Variants in CCDC102B observed in about 807,000 individuals in gnomAD.
CCDC102B encodes the protein coiled-coil domain-containing protein 102B.
A neutral mutation model predicts 57.4 loss-of-function variants in CCDC102B; 75 were observed. The ratio of observed to expected loss-of-function variants is 1.31; its 90% CI spans 1.08 to 1.58. The LOEUF is 1.58. Ranked by LOEUF, CCDC102B falls within the 40% of genes most tolerant of loss-of-function variation. The probability of loss-of-function intolerance (pLI) is 0.00; values close to 1 mark genes in which losing one functional copy is unlikely to be tolerated. For synonymous variants in CCDC102B, 206 were observed against 201.9 expected (o/e 1.02, Z -0.17); for missense variants, 636 against 582.6 (o/e 1.09, Z -0.94).
At chr18:68,990,683 T>C (rs564611402) in intron 6 of CCDC102B, among the ~76,000 whole-genome samples, 1 of 152,328 alleles carries the variant, frequency 6.6e-6, no homozygotes, top group East Asian at 1.9e-4. Context: ...TAAAGCTTTA[T>C]AATTTTCCGC....
chr18:68,799,626 G>T (rs1346307018), intron 1 of CCDC102B, among the ~76,000 whole-genome samples: 1 of 152,144 alleles, frequency 6.6e-6, no homozygotes, highest in Non-Finnish European at 1.5e-5. Flanking sequence ...AGGTATGTGA[G>T]TCCTAAAGAG....
At chr18:68,874,176 G>GTGTGTGTA (rs2039344826) in intron 4 of CCDC102B, among the ~76,000 whole-genome samples, 1 of 12,672 alleles carries the variant, frequency 7.9e-5, no homozygotes, top group Admixed American at 1.1e-3. Context: ...GTGTATGTGT[G>GTGTGTGTA]TGTGTGTGTG....
In CCDC102B at chr18:68,838,957, A is replaced by C. The variant is rs766698906; in HGVS notation, c.827+31A>C. Reference sequence around the variant, plus strand: ...TGCTAATCATTGTCTCCCTTAACCAAGTCTAAGTTTCAAATCACTTAAAAT... The same window carrying C: ...TGCTAATCATTGTCTCCCTTAACCACGTCTAAGTTTCAAATCACTTAAAAT... On this transcript the variant is annotated intron_variant, in intron 3 of 7. Transcript: ENST00000360242. The C allele has an allele frequency of 3.2e-6, 5 of 1,556,300 alleles. No individual in the cohort carries two copies. The South Asian group carries it at 3.4e-5, about 10-fold the overall frequency.
intron 6 of CCDC102B, among the ~76,000 whole-genome samples, chr18:68,940,766 A>G (rs1171587233): frequency 6.6e-6 from 1 of 151,956 alleles, no homozygotes; most frequent in Non-Finnish European, 1.5e-5. Context: ...TTTAAAAACT[A>G]GAGGTCTAGA....
At chr18:68,853,314 G>A (rs957684833) in intron 4 of CCDC102B, among the ~76,000 whole-genome samples, 11 of 150,690 alleles carry the variant, frequency 7.3e-5, no homozygotes, top group Non-Finnish European at 1.5e-5. Flanking sequence ...TTCAAAGAGT[G>A]AATATTCCAA....
chr18:69,055,371 G>A (rs2052799350), downstream of CCDC102B, among the ~76,000 whole-genome samples: 1 of 151,932 alleles, frequency 6.6e-6, no homozygotes, highest in Non-Finnish European at 1.5e-5. Context: ...CTTGTCGCTG[G>A]GTACTCTTGC....
At chr18:68,933,099 A>ACG (rs1568338239) in intron 6 of CCDC102B, among the ~76,000 whole-genome samples, 2 of 150,188 alleles carry the variant, frequency 1.3e-5, no homozygotes, top group Non-Finnish European at 3.0e-5. Flanking sequence ...ACTCCTCATA[A>ACG]AAAAAAAAAT....
At chr18:68,883,845 T>C (rs1415923039) in intron 5 of CCDC102B, among the ~76,000 whole-genome samples, 1 of 152,222 alleles carries the variant, frequency 6.6e-6, no homozygotes, top group Non-Finnish European at 1.5e-5. Context: ...TATCTTTACT[T>C]AAGTCCCTTG....
chr18:68,962,997 ATATT>A (rs1177368857), intron 6 of CCDC102B, among the ~76,000 whole-genome samples: 34 of 152,094 alleles, frequency 2.2e-4, no homozygotes, highest in Non-Finnish European at 4.3e-4. Context: ...ATGTGTCCAT[ATATT>A]TATTTATTAC....
intron 2 of CCDC102B, among the ~76,000 whole-genome samples, chr18:68,733,508 T>TA (rs1568222920): frequency 0.12 from 10,386 of 90,180 alleles, 631 homozygotes; most frequent in South Asian, 0.16. Context: ...ATATATATAT[T>TA]TTTTTAACTT....
chr18:68,849,406 T>C (rs1466044565), intron 4 of CCDC102B, among the ~76,000 whole-genome samples: 1 of 152,078 alleles, frequency 6.6e-6, no homozygotes, highest in African/African-American at 2.4e-5. Context: ...GAAGTGACTA[T>C]AAATATTAAT....
intron 1 of CCDC102B, among the ~76,000 whole-genome samples, chr18:68,829,277 G>A (rs955832837): frequency 5.9e-5 from 9 of 151,876 alleles, no homozygotes; most frequent in African/African-American, 1.7e-4. Context: ...TTTTGCTTTA[G>A]TAAGAACTGG....
intron 2 of CCDC102B, among the ~76,000 whole-genome samples, chr18:68,730,180 T>A (rs2032793509): frequency 6.6e-6 from 1 of 152,180 alleles, no homozygotes; most frequent in African/African-American, 2.4e-5. Flanking sequence ...AAATGTGATA[T>A]TTTATCTAAA....
chr18:68,959,602 C>G (rs2049994799), intron 6 of CCDC102B, among the ~76,000 whole-genome samples: 1 of 152,034 alleles, frequency 6.6e-6, no homozygotes, highest in Admixed American at 6.6e-5. Context: ...AGCGAGTTCC[C>G]CTGTGCCTCA....
At chr18:68,950,117 T>A (rs2049653734) in intron 6 of CCDC102B, among the ~76,000 whole-genome samples, 1 of 152,120 alleles carries the variant, frequency 6.6e-6, no homozygotes, top group South Asian at 2.1e-4. Context: ...CAATCCTTAG[T>A]TTCAGGATTC....
intron 6 of CCDC102B, among the ~76,000 whole-genome samples, chr18:68,987,324 G>C (rs584271): frequency 0.011 from 1,659 of 152,190 alleles, 40 homozygotes; most frequent in African/African-American, 0.038. Flanking sequence ...ATGGGGAAAA[G>C]ACTCCCCATT....
chr18:68,840,939 G>C lies in CCDC102B; in HGVS notation c.827+2013G>C, dbSNP rs577162075. Among the ~76,000 whole-genome samples the C allele has an allele frequency of 8.5e-5, 13 of 152,232 alleles. No individual in the cohort carries two copies. In the East Asian group the frequency reaches 2.3e-3, roughly 27 times the overall value. On this transcript the variant is annotated intron_variant, in intron 3 of 7. Transcript: ENST00000360242. Reference sequence around the variant, plus strand: ...CAGTGACTTCAGTCTATAATCCATAGACAGGCCAAAGAATAAGAGAAAAAA... The same window carrying C: ...CAGTGACTTCAGTCTATAATCCATACACAGGCCAAAGAATAAGAGAAAAAA...
intron 5 of CCDC102B, among the ~76,000 whole-genome samples, chr18:68,886,060 T>C (rs1198889371): frequency 6.6e-6 from 1 of 151,802 alleles, no homozygotes; most frequent in Admixed American, 6.6e-5. Context: ...AATATATATA[T>C]ATATTTACAA....
chr18:69,032,318 A>G (rs1462426142), intron 7 of CCDC102B, among the ~76,000 whole-genome samples: 3 of 152,208 alleles, frequency 2.0e-5, no homozygotes, highest in Non-Finnish European at 4.4e-5. Context: ...ATCCCCAAAG[A>G]GGAAAGTGGG....
Sources: gnomAD v4.1 joint callset for allele counts (sites outside exome capture counted in the v4.1 genomes callset) on GRCh38, gnomAD v4.1.1 for gene constraint, MANE v1.5 for transcripts, NCBI Gene and HGNC (gene_info 2026-07-23, HGNC 2026-07-21) for gene names.